The following FEZ2 variants were observed in gnomAD, a reference collection of about 807,000 sequenced individuals.
FEZ2 encodes fasciculation and elongation protein zeta 2, also known as fasciculation and elongation protein zeta-2.
Under a neutral mutation model 40.4 loss-of-function variants are expected in FEZ2, and 51 were observed. The observed-to-expected ratio is 1.26, with a 90% CI of 1.01 to 1.59. The LOEUF (loss-of-function observed/expected upper bound fraction) is 1.59. Among genes scored for constraint, FEZ2 ranks in the 40% most tolerant of loss-of-function variants. The pLI is 0.00. For missense variants in FEZ2, 640 were observed against 438.3 expected, an observed-to-expected ratio of 1.46 and a Z score of -4.11; for synonymous variants, 242 against 172.0, an observed-to-expected ratio of 1.41 and a Z score of -3.18.
At position 36,578,738 on chromosome 2, in the gene FEZ2, T is replaced by C. The variant is rs372092527; in HGVS notation, c.762A>G (p.Glu254=). The change falls in exon 5 of 8, where the codon GAA becomes GAG. Residue 254 remains glutamate (E), a synonymous_variant. Transcript: ENST00000405912. ...GAACAGAAATAAAGCTGTTTTTCAC[T>C]TCCTTTTCAAACTCCAGTTCATCTC... ...ALRDELEFEK[E]VKNSFISVLI... The C allele has an allele frequency of 6.2e-7, 1 of 1,614,042 alleles. No individual in the cohort carries two copies. The highest frequency in any genetic ancestry group is 8.5e-7 in the Non-Finnish European group (1 of 1,179,898).
At chr2:36,582,568 T>C (rs1020435083) in intron 3 of FEZ2, among the ~76,000 whole-genome samples, 1 of 152,196 alleles carries the variant, frequency 6.6e-6, no homozygotes, top group Non-Finnish European at 1.5e-5. Context: ...TCCAACCTAC[T>C]ATTACCTTGC....
At chr2:36,587,970 A>T (rs1040258200) in intron 2 of FEZ2, among the ~76,000 whole-genome samples, 1 of 152,104 alleles carries the variant, frequency 6.6e-6, no homozygotes, top group Admixed American at 6.5e-5. Context: ...CAACAGAGAG[A>T]TGATAGGTGA....
At chr2:36,556,546 T>C (rs1021289185) in intron 6 of FEZ2, 69 of 152,260 alleles carry the variant, frequency 4.5e-4, no homozygotes, top group African/African-American at 1.6e-3. Context: ...GGCAAAATAG[T>C]GTAACTGTCA....
chr2:36,592,315 C>A (rs893793309), intron 1 of FEZ2, among the ~76,000 whole-genome samples: 1 of 151,992 alleles, frequency 6.6e-6, no homozygotes, highest in African/African-American at 2.4e-5. Flanking sequence ...GCAGGATGTG[C>A]AGGTTTGTTA....
intron 4 of FEZ2, among the ~76,000 whole-genome samples, chr2:36,580,878 C>G (rs1476446129): frequency 6.6e-6 from 1 of 152,108 alleles, no homozygotes; most frequent in Non-Finnish European, 1.5e-5. Flanking sequence ...TGGGGCCAGG[C>G]AATGGTGGCT....
intron 2 of FEZ2, chr2:36,590,611 T>C (rs1217293660): frequency 3.9e-6 from 1 of 255,186 alleles, no homozygotes; most frequent in Admixed American, 5.4e-5. Context: ...GAGGTTGTAG[T>C]AAGCCACTGT....
At chr2:36,557,234 A>G (rs901941171) in intron 6 of FEZ2, 1 of 152,206 alleles carries the variant, frequency 6.6e-6, no homozygotes, top group Non-Finnish European at 1.5e-5. Flanking sequence ...GTAACTAACC[A>G]TCCCCCTGTG....
chr2:36,565,160 T>G (rs575697947), intron 5 of FEZ2, among the ~76,000 whole-genome samples: 118 of 152,324 alleles, frequency 7.7e-4, no homozygotes, highest in Non-Finnish European at 1.2e-3. Context: ...TCTCTGAAAT[T>G]CAACTATTTA....
At chr2:36,586,429 G>A (rs1338268523) in intron 2 of FEZ2, among the ~76,000 whole-genome samples, 2 of 152,080 alleles carry the variant, frequency 1.3e-5, no homozygotes, top group African/African-American at 2.4e-5. Flanking sequence ...GAGCTCAGGA[G>A]TTTGAGAACA....
intron 6 of FEZ2, 56 bp from the exon 7 acceptor site, chr2:36,555,804 T>C: frequency 3.0e-6 from 3 of 987,446 alleles, no homozygotes; most frequent in Non-Finnish European, 4.6e-6. Flanking sequence ...ATCAAAAATA[T>C]TATTTAATTT....
intron 2 of FEZ2, among the ~76,000 whole-genome samples, chr2:36,585,172 A>T (rs1293507941): frequency 6.6e-6 from 1 of 152,198 alleles, no homozygotes; most frequent in Non-Finnish European, 1.5e-5. Context: ...GCAACAATAG[A>T]TGCTAGAAAA....
rs1400559244 is a variant in FEZ2 at position 36,597,920 on chromosome 2, C to G, written c.223G>C (p.Ala75Pro). The G allele has an allele frequency of 5.6e-6, 8 of 1,425,230 alleles. No individual in the cohort carries two copies. Among genetic ancestry groups the G allele is most frequent in the Non-Finnish European group, 7.3e-6 (8 of 1,097,292 alleles). 88.3% of individuals were successfully genotyped at this position (1,425,230 alleles called of 1,614,324 possible). A position where few individuals can be genotyped will look rare whatever the true frequency, so the allele number is the denominator to read the frequency against. ...SDPGAEPPRT[A>P]VRPITERSLL... is the part of the protein sequence containing the mutation. ...CTGCGCTCCGTGATGGGCCGCACGG[C>G]CGTCCTCGGGGGCTCGGCGCCCGGA... Residue 75 changes from alanine (A) to proline (P), a missense_variant, in exon 1 of 8, where the codon GCC becomes CCC. Transcript: ENST00000405912.
intron 5 of FEZ2, among the ~76,000 whole-genome samples, chr2:36,567,852 G>GA (rs1221971562): frequency 2.0e-5 from 3 of 152,098 alleles, no homozygotes; most frequent in Non-Finnish European, 2.9e-5. Context: ...TAAAGGAAAA[G>GA]AGAGACCAGG....
At chr2:36,597,580 T>C (rs980327433) in intron 1 of FEZ2, among the ~76,000 whole-genome samples, 3 of 151,424 alleles carry the variant, frequency 2.0e-5, no homozygotes, top group African/African-American at 7.3e-5. Context: ...AGGTGCCGTC[T>C]CTAACTATGG....
chr2:36,590,963 G>A lies in FEZ2; in HGVS notation c.315C>T (p.Asp105=). 6.2e-7 allele frequency: 1 copy of A among 1,613,014 alleles called. No individual in the cohort carries two copies. The highest frequency in any genetic ancestry group is 8.5e-7 in the Non-Finnish European group (1 of 1,178,946). Residue 105 remains aspartate (D), a synonymous_variant, in exon 2 of 8, where the codon GAC becomes GAT. Coordinates refer to ENST00000405912, the MANE Select transcript of FEZ2 (RefSeq NM_005102.3). The part of the protein sequence containing the change: ...TDNYGNVMPV[D]WKSSHTRTLH... ...AGGTCCTAGTATGCGATGACTTCCA[G>A]TCTACAGGCATCACATTCCCATAAT...
At chr2:36,572,789 A>T (rs1417599346) in intron 5 of FEZ2, among the ~76,000 whole-genome samples, 1 of 152,258 alleles carries the variant, frequency 6.6e-6, no homozygotes, top group East Asian at 1.9e-4. Context: ...ATGTTGTTTT[A>T]AACAGAAGCC....
At chr2:36,557,118 G>C (rs1239872945) in intron 6 of FEZ2, 1 of 152,112 alleles carries the variant, frequency 6.6e-6, no homozygotes, top group East Asian at 1.9e-4. Context: ...CAGTATTTCT[G>C]CTTCCAATCA....
intron 5 of FEZ2, among the ~76,000 whole-genome samples, chr2:36,573,563 T>G (rs1334610655): frequency 6.6e-6 from 1 of 152,206 alleles, no homozygotes; most frequent in African/African-American, 2.4e-5. Context: ...TCAACAAACA[T>G]GCATTAAGTG....
intron 3 of FEZ2, among the ~76,000 whole-genome samples, chr2:36,581,857 G>C (rs1241222754): frequency 2.6e-5 from 4 of 151,672 alleles, no homozygotes; most frequent in Non-Finnish European, 4.4e-5. Context: ...CAAAAATTCT[G>C]ACATAAAATT....
Sources: allele counts gnomAD v4.1 joint callset (sites outside exome capture counted in the v4.1 genomes callset), GRCh38; gene constraint gnomAD v4.1.1; transcripts MANE v1.5; gene names NCBI Gene and HGNC (gene_info 2026-07-23, HGNC 2026-07-21).